Variants in PEAK1 observed in about 807,000 individuals in gnomAD.
PEAK1 encodes the protein inactive tyrosine-protein kinase PEAK1.
A neutral mutation model predicts 124.7 loss-of-function variants in PEAK1; 54 were observed. The observed-to-expected ratio is 0.43, with a 90% confidence interval of 0.35 to 0.54. PEAK1 has a LOEUF of 0.54. Ranked by LOEUF, PEAK1 falls within the 20% of genes least tolerant of loss-of-function variation. PEAK1 has a pLI of 0.01. For missense variants in PEAK1, 2,046 were observed against 2,134.5 expected, an observed-to-expected ratio of 0.96 and a Z score of 0.82; for synonymous variants, 719 against 760.0, an observed-to-expected ratio of 0.95 and a Z score of 0.89.
intron 6 of PEAK1, among the ~76,000 whole-genome samples, chr15:77,198,458 T>C (rs969261030): frequency 6.6e-6 from 1 of 152,198 alleles, no homozygotes; most frequent in Non-Finnish European, 1.5e-5. Flanking sequence ...AATTGCTTGT[T>C]ATGTACTGTA....
chr15:77,328,237 T>C lies in PEAK1; in HGVS notation c.-603+36926A>G, dbSNP rs2080461357. On this transcript the variant is annotated intron_variant, in intron 2 of 9. Coordinates refer to ENST00000682557, the MANE Select transcript of PEAK1 (RefSeq NM_001385026.1). ...TATCTACCTTATATAGTTGTGAGGATTAGACAAGGTATACAAAGCTTCTAG... is the reference window on the plus strand; with the variant it reads ...TATCTACCTTATATAGTTGTGAGGACTAGACAAGGTATACAAAGCTTCTAG... 2.0e-5 allele frequency among the ~76,000 whole-genome samples: 3 copies of C among 152,302 alleles called. No homozygotes were observed. The South Asian group carries it at 6.2e-4, about 32-fold the overall frequency.
chr15:77,286,290 ACCTT>A (rs953901003), intron 3 of PEAK1, 129 bp downstream of exon 3: 2 of 422,550 alleles, frequency 4.7e-6, no homozygotes, highest in Non-Finnish European at 8.0e-6. Flanking sequence ...TGTCTTATTC[ACCTT>A]TATCTCCTCC....
intron 1 of PEAK1, among the ~76,000 whole-genome samples, chr15:77,365,802 T>C (rs1009478085): frequency 7.8e-6 from 1 of 128,358 alleles, no homozygotes; most frequent in Non-Finnish European, 1.7e-5. Context: ...GAGAAAAAAA[T>C]CAATCTCCTT....
At chr15:77,417,586 G>C in intron 1 of PEAK1, 1 of 985,352 alleles carries the variant, frequency 1.0e-6, no homozygotes, top group Non-Finnish European at 1.2e-6. Context: ...ATGGAGCCTT[G>C]TACTCACACT....
intron 2 of PEAK1, among the ~76,000 whole-genome samples, chr15:77,303,969 G>A (rs2063927311): frequency 6.6e-6 from 1 of 152,164 alleles, no homozygotes; most frequent in Non-Finnish European, 1.5e-5. Context: ...TATTGAAAAT[G>A]TCATCTTTTG....
intron 1 of PEAK1, among the ~76,000 whole-genome samples, chr15:77,395,559 G>C (rs1415079376): frequency 3.3e-5 from 5 of 152,040 alleles, no homozygotes. Flanking sequence ...AAAGCAGCAA[G>C]AGAAAGGAAA....
At chr15:77,356,782 A>G (rs984362513) in intron 2 of PEAK1, among the ~76,000 whole-genome samples, 1 of 152,196 alleles carries the variant, frequency 6.6e-6, no homozygotes, top group Non-Finnish European at 1.5e-5. Context: ...CATTATAATG[A>G]TTTTGTATTT....
chr15:77,194,425 C>T (rs937297227), intron 6 of PEAK1, among the ~76,000 whole-genome samples: 3 of 152,168 alleles, frequency 2.0e-5, no homozygotes, highest in Admixed American at 2.0e-4. Context: ...TTGTGATCTG[C>T]TACTGACTTA....
intron 1 of PEAK1, chr15:77,370,673 T>G (rs981973867): frequency 1.0e-6 from 1 of 982,230 alleles, no homozygotes; most frequent in African/African-American, 1.7e-5. Context: ...GATCAGTTAA[T>G]CAAAATTCAA....
chr15:77,333,248 G>A (rs2066000919), intron 2 of PEAK1: 1 of 920,914 alleles, frequency 1.1e-6, no homozygotes. Flanking sequence ...GCCTCCTAAA[G>A]TGCTGGGATT....
chr15:77,154,140 A>C (rs1182772254), intron 8 of PEAK1, among the ~76,000 whole-genome samples: 2 of 152,196 alleles, frequency 1.3e-5, no homozygotes, highest in African/African-American at 2.4e-5. Flanking sequence ...GTAGGTCACT[A>C]AGGACTTGCT....
chr15:77,165,692 G>A (rs1230812612), intron 7 of PEAK1, among the ~76,000 whole-genome samples: 1 of 152,152 alleles, frequency 6.6e-6, no homozygotes, highest in Non-Finnish European at 1.5e-5. Context: ...AATGGATGTA[G>A]GGCAGGAATG....
chr15:77,202,801 C>G (rs1186563713), intron 6 of PEAK1, among the ~76,000 whole-genome samples: 1 of 150,946 alleles, frequency 6.6e-6, no homozygotes, highest in Non-Finnish European at 1.5e-5. Flanking sequence ...CTTTGGGAGG[C>G]CGAGGTGGGC....
At chr15:77,302,327 T>C (rs1271424791) in intron 2 of PEAK1, among the ~76,000 whole-genome samples, 1 of 152,210 alleles carries the variant, frequency 6.6e-6, no homozygotes, top group Non-Finnish European at 1.5e-5. Flanking sequence ...TATGCAACCA[T>C]GTGTATCTAT....
intron 2 of PEAK1, among the ~76,000 whole-genome samples, chr15:77,300,674 C>T (rs983951657): frequency 5.3e-5 from 8 of 151,996 alleles, no homozygotes; most frequent in African/African-American, 1.9e-4. Context: ...CCTTAATGCC[C>T]TTTTTCTGTT....
intron 2 of PEAK1, chr15:77,350,452 G>C (rs2067138105): frequency 1.0e-6 from 1 of 985,304 alleles, no homozygotes; most frequent in Non-Finnish European, 1.2e-6. Flanking sequence ...ACTGAATTAA[G>C]ATAGTGTATA....
chr15:77,317,989 A>G (rs991479312), intron 2 of PEAK1, among the ~76,000 whole-genome samples: 8 of 152,196 alleles, frequency 5.3e-5, no homozygotes, highest in African/African-American at 1.9e-4. Flanking sequence ...GACATTTCAG[A>G]AATGGAAAGC....
At chr15:77,371,231 G>C in intron 1 of PEAK1, 1 of 983,798 alleles carries the variant, frequency 1.0e-6, no homozygotes, top group Non-Finnish European at 1.2e-6. Context: ...TCACATTCTG[G>C]TTCACTCCAA....
At chr15:77,399,718 G>GA (rs2071194411) in intron 1 of PEAK1, among the ~76,000 whole-genome samples, 1 of 152,066 alleles carries the variant, frequency 6.6e-6, no homozygotes, top group Non-Finnish European at 1.5e-5. Flanking sequence ...CTACTACAAG[G>GA]AAACACTGGG....
Sources: gnomAD v4.1 joint callset for allele counts (sites outside exome capture counted in the v4.1 genomes callset) on GRCh38, gnomAD v4.1.1 for gene constraint, MANE v1.5 for transcripts, NCBI Gene and HGNC (gene_info 2026-07-23, HGNC 2026-07-21) for gene names.